The following ZNF592 variants were observed in gnomAD, a reference collection of about 807,000 sequenced individuals.
ZNF592 encodes the protein spinocerebellar ataxia, autosomal recessive 5.
ZNF592 carries 11 observed loss-of-function variants against 80.3 expected under a neutral mutation model. That is an observed-to-expected ratio of 0.14 (90% CI 0.09 to 0.23). The LOEUF (loss-of-function observed/expected upper bound fraction) is 0.23. ZNF592 is among the 10% of genes least tolerant of loss of function. ZNF592 has a pLI of 1.00. For synonymous variants in ZNF592, 646 were observed against 640.3 expected (o/e 1.01, Z -0.13); for missense variants, 1,420 against 1,633.9 (o/e 0.87, Z 2.26).
At position 84,797,801 on chromosome 15, in the gene ZNF592, C is replaced by G. The variant is rs917078240; in HGVS notation, c.2400-68C>G. 5 of 1,573,136 alleles carry G rather than the reference C, an allele frequency of 3.2e-6. No individual in the cohort carries two copies. In the African/African-American group the frequency reaches 6.8e-5, roughly 21 times the overall value. ...TTCCTCTTCTCCATCCCTCCTCTTG[C>G]AGCACCACCTCTGGGTCCAGTACTC... On this transcript the variant is annotated intron_variant, in intron 5 of 10. Coordinates refer to ENST00000560079, the MANE Select transcript of ZNF592 (RefSeq NM_014630.3).
chr15:84,804,566 C>T lies in ZNF592; in HGVS notation c.*2173C>T, dbSNP rs181910622. The T allele has an allele frequency of 6.6e-6, 1 of 152,352 alleles. No homozygotes were observed. Among genetic ancestry groups the T allele is most frequent in the African/African-American group, 2.4e-5 (1 of 41,580 alleles). 9.4% of individuals were successfully genotyped at this position (152,352 alleles called of 1,614,324 possible). On this transcript the variant is annotated 3_prime_UTR_variant, in exon 11 of 11. Transcript: ENST00000560079. Reference sequence around the variant, plus strand: ...ACAAATCCCTTAACCTCACTGTCTCCTCTCCTTCACAATAGAGTTAGTAAT... The same window carrying T: ...ACAAATCCCTTAACCTCACTGTCTCTTCTCCTTCACAATAGAGTTAGTAAT...
chr15:84,798,259 G>T lies in ZNF592; in HGVS notation c.2577-56G>T. 1 of 1,611,946 alleles carries T rather than the reference G, an allele frequency of 6.2e-7. No homozygotes were observed. Among genetic ancestry groups the T allele is most frequent in the East Asian group, 2.2e-5 (1 of 44,880 alleles). ...CCTGGTTCAGAGAGAGCAGAGATGG[G>T]TGGAGGGGCTGCATGGTGCCTTGGC... On this transcript the variant is annotated intron_variant, in intron 6 of 10. Coordinates refer to ENST00000560079, the MANE Select transcript of ZNF592 (RefSeq NM_014630.3). This position sits in a 1 kb window ranked among gnomAD's most constrained non-coding sequence, Gnocchi z 4.5.
rs1394355661 is a variant in ZNF592 at position 84,803,606 on chromosome 15, T to C, written c.*1213T>C. The C allele has an allele frequency of 6.6e-6, 1 of 152,242 alleles. No homozygotes were observed. The highest frequency in any genetic ancestry group is 1.5e-5 in the Non-Finnish European group (1 of 68,050). The allele number at this position is 152,242 out of a possible 1,614,324, so 9.4% of individuals were successfully genotyped here. A position where few individuals can be genotyped will look rare whatever the true frequency, so the allele number is the denominator to read the frequency against. On this transcript the variant is annotated 3_prime_UTR_variant, in exon 11 of 11. Transcript: ENST00000560079. The stretch of plus-strand genomic sequence containing the variant: ...TCGAAATTTTCTAGGCACCTTCATC[T>C]TTCCTTCAGTTGATTTTCAACATAA...
rs1963035933 is a variant in ZNF592, at chr15:84,799,707, ATC to A, written c.3138-129_3138-128del. ...CTACCTTGGCTGGCCTGCTGGCTGG[ATC>A]TCTCTGGGGTTCCCAGCACTAGCCA... is the stretch of plus-strand genomic sequence containing the variant. On this transcript the variant is annotated intron_variant, in intron 9 of 10. Transcript: ENST00000560079. The surrounding 1 kb of genome is among the most constrained non-coding windows in gnomAD (Gnocchi z 4.2). The A allele has an allele frequency of 7.3e-7, 1 of 1,361,614 alleles. No individual in the cohort carries two copies. The highest frequency in any genetic ancestry group is 1.2e-5 in the South Asian group (1 of 85,316). 84.3% of individuals were successfully genotyped at this position (1,361,614 alleles called of 1,614,324 possible).
At chr15:84,779,122 A>T (rs535759817) in intron 3 of ZNF592, among the ~76,000 whole-genome samples, 1 of 152,372 alleles carries the variant, frequency 6.6e-6, no homozygotes, top group South Asian at 2.1e-4. Context: ...AGGTCCCTCT[A>T]TAAGGGCTTT....
At chr15:84,801,319 T>A (rs12912388) in intron 10 of ZNF592, among the ~76,000 whole-genome samples, 30,101 of 151,588 alleles carry the variant, frequency 0.2, 3,792 homozygotes, top group Middle Eastern at 0.36. Flanking sequence ...TGAGACCCTG[T>A]CTCAAAAATG....
Position 84,783,723 on chromosome 15 carries a change from C to T in ZNF592, c.1048C>T (p.Arg350Cys), listed in dbSNP as rs150862074. 3.1e-6 allele frequency: 5 copies of T among 1,614,238 alleles called. No homozygotes were observed. The South Asian group carries it at 3.3e-5, about 11-fold the overall frequency. Residue 350 changes from arginine to cysteine, a missense_variant, in exon 4 of 11, where the codon CGT becomes TGT. Physicochemically the swap from Arg to Cys is radical, Grantham distance 180 (BLOSUM62 -3). Coordinates refer to ENST00000560079, the MANE Select transcript of ZNF592 (RefSeq NM_014630.3). The surrounding 1 kb of genome is among the most constrained non-coding windows in gnomAD (Gnocchi z 5.0). Reference protein sequence around the residue: ...RKSIKPSDSPRSICSDSSSKG... With the variant: ...RKSIKPSDSPCSICSDSSSKG... ...AAGTATCAAGCCATCGGACAGCCCT[C>T]GTAGCATCTGCAGTGACAGCAGCAG...
At chr15:84,796,707 T>TA (rs138539606) in intron 5 of ZNF592, among the ~76,000 whole-genome samples, 48 of 148,790 alleles carry the variant, frequency 3.2e-4, no homozygotes, top group East Asian at 1.6e-3. Flanking sequence ...TTATGCATTG[T>TA]AAAAAAAAAA....
At chr15:84,753,900 T>C (rs1331145542) in intron 1 of ZNF592, among the ~76,000 whole-genome samples, 1 of 152,246 alleles carries the variant, frequency 6.6e-6, no homozygotes, top group Non-Finnish European at 1.5e-5. Flanking sequence ...AAAATCTGTG[T>C]GTTTTCATTT....
Position 84,798,609 on chromosome 15 carries a change from A to C in ZNF592, c.2758A>C (p.Asn920His). 6.2e-7 allele frequency: 1 copy of C among 1,614,096 alleles called. No individual in the cohort carries two copies. Among genetic ancestry groups the C allele is most frequent in the Non-Finnish European group, 8.5e-7 (1 of 1,180,012 alleles). The change falls in exon 8 of 11, where the codon AAT (asparagine) becomes CAT (histidine). Residue 920 changes from asparagine (N) to histidine (H), a missense_variant. Around this residue, in one of 7 missense-constraint regions of ZNF592, gnomAD observed 331 missense variants for 347.0 expected, o/e 0.95. Transcript: ENST00000560079. The surrounding 1 kb of genome is among the most constrained non-coding windows in gnomAD (Gnocchi z 4.5). ...CCAGAGCACCCACGGTGTTCCCCGA[A>C]ATGTGGACGAGCTGTCAAGCCTCCA... ...HVKSTHGVPR[N>H]VDELSSLQSS...
At chr15:84,788,442 A>G (rs1277192601) in intron 4 of ZNF592, among the ~76,000 whole-genome samples, 2 of 152,220 alleles carry the variant, frequency 1.3e-5, no homozygotes, top group Non-Finnish European at 2.9e-5. Context: ...TCTGAAATAT[A>G]GTTTACGTTG....
rs140127256 is a variant in ZNF592, at chr15:84,785,114, C to T, written c.2220+219C>T. Reference sequence around the variant, plus strand: ...CTAATTTAGCAAGTGTATTTACGGACGTGTCCCGTGTTCCACTCAACTTCC... The same window carrying T: ...CTAATTTAGCAAGTGTATTTACGGATGTGTCCCGTGTTCCACTCAACTTCC... On this transcript the variant is annotated intron_variant, in intron 4 of 10. Transcript: ENST00000560079. 4.2e-3 allele frequency among the ~76,000 whole-genome samples: 634 copies of T among 152,266 alleles called. 6 individuals are homozygous for T. The highest frequency in any genetic ancestry group is 0.014 in the African/African-American group (598 of 41,546).
intron 1 of ZNF592, among the ~76,000 whole-genome samples, chr15:84,751,455 C>G (rs1342828559): frequency 6.6e-6 from 1 of 152,234 alleles, no homozygotes; most frequent in Non-Finnish European, 1.5e-5. Flanking sequence ...GTTATTTAGC[C>G]TCTCTTGTGC....
At chr15:84,796,415 A>G (rs2141998469) in intron 5 of ZNF592, among the ~76,000 whole-genome samples, 1 of 151,382 alleles carries the variant, frequency 6.6e-6, no homozygotes, top group East Asian at 1.9e-4. Context: ...ATGAGGGCAG[A>G]CAGTATTGCA....
intron 3 of ZNF592, among the ~76,000 whole-genome samples, chr15:84,781,960 C>T (rs1047854935): frequency 6.6e-6 from 1 of 152,212 alleles, no homozygotes; most frequent in South Asian, 2.1e-4. Flanking sequence ...CAAACTGTCA[C>T]TTGGCCAATT....
Position 84,798,800 on chromosome 15 carries a change from G to T in ZNF592, c.2949G>T (p.Trp983Cys). ...EARPRLRNTG[W>C]TCQECQEWVP... ...GGCCGCGGCTGAGGAACACTGGCTG[G>T]ACCTGCCAGGAGTGCCAGGAGTGGG... is the stretch of plus-strand genomic sequence containing the variant. The change falls in exon 8 of 11, where the codon TGG becomes TGT. Residue 983 changes from tryptophan (W) to cysteine (C), a missense_variant. This residue lies in a region of ZNF592 where 331 missense variants were observed against 347.0 expected (regional missense o/e 0.95). Transcript: ENST00000560079. The surrounding 1 kb of genome is among the most constrained non-coding windows in gnomAD (Gnocchi z 4.5). The T allele has an allele frequency of 6.2e-7, 1 of 1,601,536 alleles. No individual in the cohort carries two copies.
chr15:84,752,629 A>C (rs1596102216), intron 1 of ZNF592, among the ~76,000 whole-genome samples: 1 of 152,140 alleles, frequency 6.6e-6, no homozygotes, highest in South Asian at 2.1e-4. Context: ...AGGAGTTTGG[A>C]TTTTATTCTG....
At chr15:84,763,620 T>A (rs1233095402) in intron 1 of ZNF592, among the ~76,000 whole-genome samples, 1 of 152,226 alleles carries the variant, frequency 6.6e-6, no homozygotes, top group Non-Finnish European at 1.5e-5. Context: ...TTTCTCTAGT[T>A]TCTTTCTGTA....
chr15:84,801,430 G>A (rs1233257793), intron 10 of ZNF592, among the ~76,000 whole-genome samples: 1 of 152,264 alleles, frequency 6.6e-6, no homozygotes, highest in Non-Finnish European at 1.5e-5. Flanking sequence ...AGCCCGGTAG[G>A]TCAAGGATGC....
Sources: gnomAD v4.1 joint callset for allele counts (sites outside exome capture counted in the v4.1 genomes callset) on GRCh38, gnomAD v4.1.1 for gene constraint, gnomAD v4.1.1 regional missense constraint, Gnocchi (gnomAD v3.1) non-coding constraint, MANE v1.5 for transcripts, NCBI Gene and HGNC (gene_info 2026-07-23, HGNC 2026-07-21) for gene names.